Variants in ROBO2 observed in about 807,000 individuals in gnomAD.
ROBO2 encodes the protein roundabout guidance receptor 2, also known as roundabout homolog 2.
A neutral mutation model predicts 160.8 loss-of-function variants in ROBO2; 53 were observed. The ratio of observed to expected loss-of-function variants is 0.33; its 90% CI spans 0.26 to 0.41. ROBO2 has a LOEUF of 0.41. Ranked by LOEUF, ROBO2 falls within the 10% of genes least tolerant of loss-of-function variation. The pLI is 1.00. For missense variants in ROBO2, 1,577 were observed against 1,722.4 expected (o/e 0.92, Z 1.49); for synonymous variants, 664 against 611.7 (o/e 1.09, Z -1.26).
intron 2 of ROBO2, among the ~76,000 whole-genome samples, chr3:76,549,745 G>C (rs747310880): frequency 6.6e-6 from 1 of 152,124 alleles, no homozygotes; most frequent in African/African-American, 2.4e-5. Context: ...TCATCTACTA[G>C]AAAATTCTTC....
intron 2 of ROBO2, among the ~76,000 whole-genome samples, chr3:76,083,299 T>G (rs935374215): frequency 6.6e-6 from 1 of 152,134 alleles, no homozygotes; most frequent in African/African-American, 2.4e-5. Flanking sequence ...CATAAGGATA[T>G]AAATACTGCA....
chr3:76,043,957 A>G (rs1016231823), intron 2 of ROBO2, among the ~76,000 whole-genome samples: 1 of 151,934 alleles, frequency 6.6e-6, no homozygotes, highest in Non-Finnish European at 1.5e-5. Flanking sequence ...TTACATCACG[A>G]TGTTGAGTGG....
intron 2 of ROBO2, among the ~76,000 whole-genome samples, chr3:76,392,463 C>T (rs183854786): frequency 1.3e-5 from 2 of 152,174 alleles, no homozygotes; most frequent in East Asian, 3.9e-4. Context: ...TCCTGTTATA[C>T]TAAATTGATA....
chr3:77,058,379 C>T (rs1184770832), intron 1 of ROBO2, among the ~76,000 whole-genome samples: 1 of 152,004 alleles, frequency 6.6e-6, no homozygotes, highest in East Asian at 1.9e-4. Context: ...TTATTGTGTG[C>T]CATCTGGAAT....
intron 4 of ROBO2, among the ~76,000 whole-genome samples, chr3:77,484,256 G>T (rs1366877597): frequency 6.6e-6 from 1 of 151,978 alleles, no homozygotes; most frequent in East Asian, 1.9e-4. Context: ...GTTTACATAT[G>T]TTAAGCTCTG....
chr3:77,243,258 ATTAT>A (rs780362465), intron 2 of ROBO2, among the ~76,000 whole-genome samples: 10 of 152,344 alleles, frequency 6.6e-5, no homozygotes, highest in Admixed American at 2.0e-4. Context: ...TGTAAGAATC[ATTAT>A]TTAAGACTAA....
intron 2 of ROBO2, among the ~76,000 whole-genome samples, chr3:77,022,427 A>G (rs2062695701): frequency 6.6e-6 from 1 of 152,066 alleles, no homozygotes; most frequent in South Asian, 2.1e-4. Context: ...GAAAACCCAA[A>G]CTGTTGTAGT....
chr3:76,058,589 C>CTTTTTTTTTTTT (rs10676074), intron 2 of ROBO2, among the ~76,000 whole-genome samples: 13 of 48,846 alleles, frequency 2.7e-4, no homozygotes, highest in East Asian at 6.5e-4. Context: ...ACAGCAGAAA[C>CTTTTTTTTTTTT]TTTTTTTTTT....
At chr3:77,190,286 G>A (rs963265305) in intron 2 of ROBO2, among the ~76,000 whole-genome samples, 3 of 151,896 alleles carry the variant, frequency 2.0e-5, no homozygotes, top group Admixed American at 1.3e-4. Flanking sequence ...TTCTAGCTGT[G>A]CTCAGAAAAA....
chr3:76,973,901 T>G (rs1052546254), intron 2 of ROBO2, among the ~76,000 whole-genome samples: 1 of 152,134 alleles, frequency 6.6e-6, no homozygotes, highest in African/African-American at 2.4e-5. Context: ...TCTGAGTAGA[T>G]GGGGACACAG....
At chr3:76,169,237 T>G (rs1054968572) in intron 2 of ROBO2, among the ~76,000 whole-genome samples, 1 of 152,282 alleles carries the variant, frequency 6.6e-6, no homozygotes. Flanking sequence ...AATACACAGG[T>G]TGCTTACCAT....
chr3:76,901,720 G>GA (rs1218345477), intron 2 of ROBO2, among the ~76,000 whole-genome samples: 5 of 151,890 alleles, frequency 3.3e-5, no homozygotes, highest in Non-Finnish European at 5.9e-5. Context: ...AGATGCTTAA[G>GA]AACAATGGAT....
rs142970288 is a variant in ROBO2, at chr3:77,570,212, T to A, written c.1971+1778T>A. 9.6e-3 allele frequency among the ~76,000 whole-genome samples: 1,462 copies of A among 152,154 alleles called. 26 individuals are homozygous for A. Among genetic ancestry groups the A allele is most frequent in the African/African-American group, 0.034 (1,408 of 41,546 alleles). On this transcript the variant is annotated intron_variant, in intron 13 of 25. Transcript: ENST00000461745. ...TTAAGCTGCATCTAAATGTGGGAAG[T>A]CTTTGGGTAAGAATCAAAGTCATTA...
intron 2 of ROBO2, among the ~76,000 whole-genome samples, chr3:77,139,365 A>T (rs929657828): frequency 6.6e-6 from 1 of 152,228 alleles, no homozygotes; most frequent in African/African-American, 2.4e-5. Context: ...CACTCCATTC[A>T]TATTTGAAAA....
At chr3:77,596,505 A>C (rs2094306441) in intron 18 of ROBO2, 118 bp from the exon 20 acceptor site, 2 of 1,248,398 alleles carry the variant, frequency 1.6e-6, no homozygotes, top group African/African-American at 3.0e-5. Context: ...GAGTCTACTT[A>C]TATTAATTTG....
chr3:77,079,543 A>T (rs1334395685), intron 1 of ROBO2, among the ~76,000 whole-genome samples: 1 of 152,242 alleles, frequency 6.6e-6, no homozygotes, highest in Admixed American at 6.5e-5. Context: ...TATAATCAAG[A>T]TCTACTATGT....
intron 4 of ROBO2, among the ~76,000 whole-genome samples, chr3:77,487,979 C>G (rs114301872): frequency 0.018 from 2,696 of 152,112 alleles, 75 homozygotes; most frequent in African/African-American, 0.06. Flanking sequence ...TTTCATGTAA[C>G]TAAGTAACTT....
At chr3:75,975,068 T>C (rs1164276468) in intron 2 of ROBO2, among the ~76,000 whole-genome samples, 4 of 151,592 alleles carry the variant, frequency 2.6e-5, no homozygotes, top group Non-Finnish European at 4.4e-5. Context: ...TTAAGATTCA[T>C]AATATATGCT....
chr3:76,647,273 A>G (rs1284417694), intron 2 of ROBO2, among the ~76,000 whole-genome samples: 1 of 152,174 alleles, frequency 6.6e-6, no homozygotes, highest in Non-Finnish European at 1.5e-5. Context: ...CACTGCTGCT[A>G]CAAGAAATTT....
Sources: allele counts gnomAD v4.1 joint callset (sites outside exome capture counted in the v4.1 genomes callset), GRCh38; gene constraint gnomAD v4.1.1; transcripts MANE v1.5; gene names NCBI Gene and HGNC (gene_info 2026-07-23, HGNC 2026-07-21).